ERBB4: variants seen among roughly 807,000 people sequenced by gnomAD.
ERBB4 encodes the protein receptor tyrosine-protein kinase erbB-4.
Under a neutral mutation model 158.0 loss-of-function variants are expected in ERBB4, and 42 were observed. That is an observed-to-expected ratio of 0.27 (90% CI 0.21 to 0.34). The LOEUF is 0.34. Ranked by LOEUF, ERBB4 falls within the 10% of genes least tolerant of loss-of-function variation. The pLI, the probability that ERBB4 is intolerant of heterozygous loss-of-function variation, is 1.00. For missense variants in ERBB4, 1,333 were observed against 1,624.1 expected, an observed-to-expected ratio of 0.82 and a Z score of 3.08; for synonymous variants, 583 against 558.7, an observed-to-expected ratio of 1.04 and a Z score of -0.61.
chr2:212,393,914 A>G (rs2090951249), intron 1 of ERBB4, among the ~76,000 whole-genome samples: 1 of 152,022 alleles, frequency 6.6e-6, no homozygotes, highest in Admixed American at 6.6e-5. Context: ...AATGCCTCCC[A>G]TTTCCCCTCT....
chr2:212,277,966 T>C (rs1311189197), intron 1 of ERBB4, among the ~76,000 whole-genome samples: 4 of 151,664 alleles, frequency 2.6e-5, no homozygotes, highest in Non-Finnish European at 4.4e-5. Context: ...AATCAGACAA[T>C]GGCCTTTCTT....
chr2:211,790,435 T>C (rs907576734), intron 3 of ERBB4, among the ~76,000 whole-genome samples: 1 of 152,056 alleles, frequency 6.6e-6, no homozygotes, highest in African/African-American at 2.4e-5. Context: ...CATCTCCAAC[T>C]TCCTATCTAA....
chr2:211,749,428 G>A (rs1001178523), intron 5 of ERBB4, among the ~76,000 whole-genome samples: 4 of 152,144 alleles, frequency 2.6e-5, no homozygotes, highest in African/African-American at 9.7e-5. Context: ...CCTTGGGTAT[G>A]CATAAATTAT....
chr2:212,072,865 G>A (rs2078164072), intron 2 of ERBB4, among the ~76,000 whole-genome samples: 2 of 152,056 alleles, frequency 1.3e-5, no homozygotes, highest in South Asian at 2.1e-4. Context: ...AGATAATTAT[G>A]CAAATGAGTG....
chr2:212,387,205 T>C (rs890593957), intron 1 of ERBB4, among the ~76,000 whole-genome samples: 49 of 152,104 alleles, frequency 3.2e-4, no homozygotes, highest in African/African-American at 1.2e-3. Flanking sequence ...GTATGGAACA[T>C]GATAATATCT....
At chr2:211,695,740 G>A (rs139948775) in intron 12 of ERBB4, among the ~76,000 whole-genome samples, 139 of 151,724 alleles carry the variant, frequency 9.2e-4, no homozygotes, top group African/African-American at 2.9e-3. Flanking sequence ...TTTCTTCTGC[G>A]TAAAAAAGAA....
At chr2:211,459,710 G>A (rs2064480183) in intron 20 of ERBB4, among the ~76,000 whole-genome samples, 1 of 152,170 alleles carries the variant, frequency 6.6e-6, no homozygotes. Context: ...CCCCAGCCAT[G>A]TGAAACTGTG....
At chr2:211,536,012 A>C (rs186938267) in intron 20 of ERBB4, among the ~76,000 whole-genome samples, 1 of 151,874 alleles carries the variant, frequency 6.6e-6, no homozygotes, top group Non-Finnish European at 1.5e-5. Flanking sequence ...ATACTGGAAA[A>C]GCGAATGGGA....
At chr2:212,100,641 A>C (rs779596808) in intron 2 of ERBB4, among the ~76,000 whole-genome samples, 1 of 152,190 alleles carries the variant, frequency 6.6e-6, no homozygotes, top group Admixed American at 6.5e-5. Context: ...CATAATCCTG[A>C]ACCTCAGGGG....
intron 10 of ERBB4, among the ~76,000 whole-genome samples, 199 bp from the exon 11 acceptor site, chr2:211,704,393 G>T (rs572596091): frequency 3.9e-4 from 59 of 152,206 alleles, no homozygotes; most frequent in Non-Finnish European, 1.0e-4. Context: ...TGTATATGTT[G>T]AAACGTTTCA....
At chr2:211,511,597 G>T (rs2065886739) in intron 20 of ERBB4, among the ~76,000 whole-genome samples, 1 of 152,018 alleles carries the variant, frequency 6.6e-6, no homozygotes, top group East Asian at 1.9e-4. Flanking sequence ...CTTTAAAGCA[G>T]TATGCTTTTC....
intron 2 of ERBB4, among the ~76,000 whole-genome samples, chr2:211,996,307 C>T (rs1256079531): frequency 2.0e-5 from 3 of 150,830 alleles, no homozygotes; most frequent in Non-Finnish European, 4.4e-5. Flanking sequence ...CAAGTTTAAA[C>T]ATTATCCTTG....
chr2:211,851,007 C>T (rs1436014416), intron 3 of ERBB4, among the ~76,000 whole-genome samples: 14 of 151,938 alleles, frequency 9.2e-5, no homozygotes, highest in Non-Finnish European at 2.9e-5. Flanking sequence ...ATAGTCAATA[C>T]AACTGATAAT....
chr2:211,706,929 G>C (rs982121325), intron 9 of ERBB4, among the ~76,000 whole-genome samples: 1 of 152,116 alleles, frequency 6.6e-6, no homozygotes, highest in East Asian at 1.9e-4. Context: ...CAAAAATGAA[G>C]TGTATCATGT....
chr2:211,632,248 T>C (rs377398445), intron 16 of ERBB4, among the ~76,000 whole-genome samples: 1 of 152,114 alleles, frequency 6.6e-6, no homozygotes, highest in South Asian at 2.1e-4. Context: ...AAATTCTTCA[T>C]TGTGATATGT....
intron 1 of ERBB4, among the ~76,000 whole-genome samples, chr2:212,414,392 T>C (rs2091591198): frequency 6.6e-6 from 1 of 152,220 alleles, no homozygotes; most frequent in African/African-American, 2.4e-5. Context: ...GCAGCCTGAA[T>C]GCCTTTAGTC....
At position 211,377,185 on chromosome 2, in the gene ERBB4, C is replaced by A. The variant is rs2062490106; in HGVS notation, c.*6430G>T. On this transcript the variant is annotated 3_prime_UTR_variant, in exon 28 of 28. Coordinates refer to ENST00000342788, the MANE Select transcript of ERBB4 (RefSeq NM_005235.3). ...CTCTCACATTAAGGGAAAAGGACAA[C>A]CCCCAATTAACTAAAAAATCTGGAA... The A allele has an allele frequency of 4.3e-6, 1 of 232,450 alleles. No homozygotes were observed. The highest frequency in any genetic ancestry group is 2.2e-5 in the African/African-American group (1 of 45,084). The allele number at this position is 232,450 out of a possible 1,614,324, so 14.4% of individuals were successfully genotyped here.
chr2:211,734,912 A>AAG (rs1434868335), intron 5 of ERBB4, among the ~76,000 whole-genome samples: 1 of 108,762 alleles, frequency 9.2e-6, no homozygotes, highest in African/African-American at 3.0e-5. Flanking sequence ...ACTCTGTCAA[A>AAG]AAAAAAAAAA....
intron 25 of ERBB4, among the ~76,000 whole-genome samples, chr2:211,406,170 C>T (rs980472181): frequency 6.6e-6 from 1 of 152,208 alleles, no homozygotes; most frequent in Non-Finnish European, 1.5e-5. Context: ...AACGTATTCT[C>T]TTTGTCCCTA....
Sources: gnomAD v4.1 joint callset for allele counts (sites outside exome capture counted in the v4.1 genomes callset) on GRCh38, gnomAD v4.1.1 for gene constraint, MANE v1.5 for transcripts, NCBI Gene and HGNC (gene_info 2026-07-23, HGNC 2026-07-21) for gene names.